Variants in BICC1 observed in about 807,000 individuals in gnomAD.
BICC1 encodes the protein BicC family RNA binding protein 1.
Under a neutral mutation model 111.0 loss-of-function variants are expected in BICC1, and 43 were observed. The ratio of observed to expected loss-of-function variants is 0.39; its 90% CI spans 0.30 to 0.50. The LOEUF is 0.50. Among genes scored for constraint, BICC1 ranks in the 20% least tolerant of loss-of-function variants. BICC1 has a pLI of 0.88. For synonymous variants in BICC1, 467 were observed against 434.4 expected (o/e 1.07, Z -0.93); for missense variants, 1,091 against 1,203.2 (o/e 0.91, Z 1.38).
chr10:58,669,211 A>G (rs1839107764), intron 2 of BICC1, among the ~76,000 whole-genome samples: 1 of 151,984 alleles, frequency 6.6e-6, no homozygotes, highest in South Asian at 2.1e-4. Flanking sequence ...TCAATCCAAA[A>G]TGCTCCAATG....
rs147175526 is a variant in BICC1, at chr10:58,734,125, G to A, written c.307+31982G>A. Among the ~76,000 whole-genome samples the A allele has an allele frequency of 1.2e-3, 184 of 152,220 alleles. 4 individuals are homozygous for A. In the East Asian group the frequency reaches 0.032, roughly 27 times the overall value. ...TGAGGAAGACTTTAACACAAAGCTG[G>A]GACTGTGTTTAAGATCTGCCACCCT... On this transcript the variant is annotated intron_variant, in intron 3 of 20. Transcript: ENST00000373886.
chr10:58,603,534 G>A (rs948501481), intron 1 of BICC1, among the ~76,000 whole-genome samples: 4 of 152,146 alleles, frequency 2.6e-5, no homozygotes, highest in Admixed American at 6.5e-5. Context: ...TTGGTATGCC[G>A]TCAGTCCACT....
At chr10:58,704,081 A>G (rs986862851) in intron 3 of BICC1, among the ~76,000 whole-genome samples, 5 of 152,224 alleles carry the variant, frequency 3.3e-5, no homozygotes, top group African/African-American at 1.2e-4. Context: ...CACTTAACCC[A>G]TTCAAAATGG....
intron 1 of BICC1, among the ~76,000 whole-genome samples, chr10:58,545,410 G>A (rs1442100526): frequency 3.3e-5 from 5 of 152,106 alleles, no homozygotes; most frequent in African/African-American, 1.2e-4. Flanking sequence ...GTTAGATTTG[G>A]AAAGTGGATC....
intron 3 of BICC1, among the ~76,000 whole-genome samples, chr10:58,706,146 A>G (rs543912621): frequency 2.0e-5 from 3 of 152,352 alleles, no homozygotes; most frequent in South Asian, 4.1e-4. Flanking sequence ...TGAAACCAGT[A>G]TTTAGGGATT....
At chr10:58,611,677 A>AC (rs1845426055) in intron 1 of BICC1, among the ~76,000 whole-genome samples, 1 of 151,688 alleles carries the variant, frequency 6.6e-6, no homozygotes, top group African/African-American at 2.4e-5. Flanking sequence ...TTTAGTGGAG[A>AC]CAGGGTTTCA....
At chr10:58,691,065 T>C (rs1839893796) in intron 2 of BICC1, among the ~76,000 whole-genome samples, 1 of 152,186 alleles carries the variant, frequency 6.6e-6, no homozygotes, top group South Asian at 2.1e-4. Context: ...TAAGTATATA[T>C]CCAAGAGACC....
intron 20 of BICC1, among the ~76,000 whole-genome samples, chr10:58,821,909 C>T (rs917336112): frequency 1.3e-5 from 2 of 152,050 alleles, no homozygotes; most frequent in African/African-American, 2.4e-5. Context: ...CCTTCCATTT[C>T]TAAGATCTGT....
intron 1 of BICC1, among the ~76,000 whole-genome samples, chr10:58,583,353 A>G (rs763908536): frequency 1.6e-4 from 24 of 151,956 alleles, no homozygotes; most frequent in Non-Finnish European, 3.2e-4. Context: ...GCAGTCTTTT[A>G]TCCCTCATCC....
At chr10:58,784,965 G>T (rs1254936656) in intron 3 of BICC1, 36 bp from the exon 4 acceptor site, 2 of 1,175,304 alleles carry the variant, frequency 1.7e-6, no homozygotes, top group Non-Finnish European at 1.2e-6. Context: ...ACAGAGTTTG[G>T]GAGTTTCACA....
chr10:58,627,042 C>T (rs1330583843), intron 2 of BICC1, among the ~76,000 whole-genome samples: 1 of 151,846 alleles, frequency 6.6e-6, no homozygotes, highest in Non-Finnish European at 1.5e-5. Context: ...GCAGAGGTTA[C>T]AGTGAGCCAA....
chr10:58,536,565 C>CG (rs2131869938), intron 1 of BICC1, among the ~76,000 whole-genome samples: 1 of 151,810 alleles, frequency 6.6e-6, no homozygotes, highest in Admixed American at 6.6e-5. Context: ...ACAGCAAAAG[C>CG]AGTGTTAAGA....
At chr10:58,752,353 T>G (rs1842013412) in intron 3 of BICC1, among the ~76,000 whole-genome samples, 1 of 152,166 alleles carries the variant, frequency 6.6e-6, no homozygotes, top group Non-Finnish European at 1.5e-5. Context: ...TTTGAGTATC[T>G]GCTTGCAAAA....
intron 3 of BICC1, among the ~76,000 whole-genome samples, chr10:58,714,082 C>T (rs759965101): frequency 4.6e-5 from 7 of 152,148 alleles, no homozygotes; most frequent in Non-Finnish European, 8.8e-5. Flanking sequence ...AGAAGACAGC[C>T]GCCTCAACAC....
In BICC1 at chr10:58,789,244, C is replaced by T. The variant is rs1843102698; in HGVS notation, c.601-18C>T. 1 of 1,604,594 alleles carries T rather than the reference C, an allele frequency of 6.2e-7. No individual in the cohort carries two copies. The highest frequency in any genetic ancestry group is 8.5e-7 in the Non-Finnish European group (1 of 1,173,924). ...ATGCTTTAACTCTCTGCTTTGGATTCTCATCATTTCATTTTAGGAGCTGCT... is the reference window on the plus strand; with the variant it reads ...ATGCTTTAACTCTCTGCTTTGGATTTTCATCATTTCATTTTAGGAGCTGCT... On this transcript the variant is annotated intron_variant, in intron 6 of 20. Transcript: ENST00000373886.
At chr10:58,697,502 G>A (rs1840098189) in intron 2 of BICC1, among the ~76,000 whole-genome samples, 1 of 152,164 alleles carries the variant, frequency 6.6e-6, no homozygotes, top group African/African-American at 2.4e-5. Flanking sequence ...TCACTGTGGA[G>A]TTTTTTATTT....
intron 1 of BICC1, among the ~76,000 whole-genome samples, chr10:58,616,317 T>C (rs1265256848): frequency 2.6e-5 from 4 of 152,144 alleles, no homozygotes; most frequent in African/African-American, 7.2e-5. Flanking sequence ...GAGATGTGGA[T>C]TGATTTGGTT....
chr10:58,587,733 T>C (rs1196294395), intron 1 of BICC1, among the ~76,000 whole-genome samples: 2 of 152,194 alleles, frequency 1.3e-5, no homozygotes, highest in African/African-American at 4.8e-5. Context: ...TATTGTAGGA[T>C]AAAGTGGCGG....
intron 20 of BICC1, among the ~76,000 whole-genome samples, chr10:58,828,484 A>AAT (rs1178046634): frequency 6.6e-6 from 1 of 152,218 alleles, no homozygotes; most frequent in Non-Finnish European, 1.5e-5. Flanking sequence ...TTTACAAACT[A>AAT]TAATAGAAAC....
Sources: gnomAD v4.1 joint callset for allele counts (sites outside exome capture counted in the v4.1 genomes callset) on GRCh38, gnomAD v4.1.1 for gene constraint, MANE v1.5 for transcripts, NCBI Gene and HGNC (gene_info 2026-07-23, HGNC 2026-07-21) for gene names.